The following DCC variants were observed in gnomAD, a reference collection of about 807,000 sequenced individuals.
The protein encoded by DCC is DCC netrin 1 receptor, also known as netrin receptor DCC.
In DCC, 58 loss-of-function variants were observed where a neutral mutation model predicts 172.5. The observed-to-expected ratio is 0.34, with a 90% CI of 0.27 to 0.42. The LOEUF (loss-of-function observed/expected upper bound fraction) is 0.42, where lower values mean the gene tolerates loss of function less well. Ranked by LOEUF, DCC falls within the 10% of genes least tolerant of loss-of-function variation. DCC has a pLI of 1.00. For synonymous variants in DCC, 709 were observed against 644.5 expected, an observed-to-expected ratio of 1.10 and a Z score of -1.52; for missense variants, 1,740 against 1,791.0, an observed-to-expected ratio of 0.97 and a Z score of 0.51.
intron 1 of DCC, among the ~76,000 whole-genome samples, chr18:52,514,219 A>G (rs1252838777): frequency 6.7e-6 from 1 of 150,252 alleles, no homozygotes; most frequent in Non-Finnish European, 1.5e-5. Flanking sequence ...ATGTGTATGC[A>G]TGTATATGTG....
At chr18:53,061,342 C>G (rs577131052) in intron 5 of DCC, among the ~76,000 whole-genome samples, 80 of 152,110 alleles carry the variant, frequency 5.3e-4, no homozygotes, top group East Asian at 3.1e-3. Flanking sequence ...CTTTCTCTCT[C>G]TGTGTGTGTG....
chr18:53,415,026 G>A (rs73960121), intron 20 of DCC, among the ~76,000 whole-genome samples: 4,455 of 152,094 alleles, frequency 0.029, 258 homozygotes, highest in African/African-American at 0.1. Flanking sequence ...ATCTGAAAGG[G>A]GCTTTCGTTA....
Position 52,811,288 on chromosome 18 carries a change from TG to T in DCC, c.412+58916del, listed in dbSNP as rs545862844. ...ATACCCTTTTTCTTATCACTTTTGG[TG>T]GTATTATGTAATGAAAATACCAGCT... On this transcript the variant is annotated intron_variant, in intron 2 of 28. Transcript: ENST00000442544. 2.6e-4 allele frequency among the ~76,000 whole-genome samples: 39 copies of T among 152,270 alleles called. No homozygotes were observed. The South Asian group carries it at 6.6e-3, about 26-fold the overall frequency.
At position 52,487,810 on chromosome 18, in the gene DCC, C is replaced by CAAAAAAAAAAAAAA. The variant is rs5824940; in HGVS notation, c.91+146945_91+146958dup. On this transcript the variant is annotated intron_variant, in intron 1 of 28. Coordinates refer to ENST00000442544, the MANE Select transcript of DCC (RefSeq NM_005215.4). ...TGGGTGACAGAGTGAGACTCCACCT[C>CAAAAAAAAAAAAAA]AAAAAAAAAAAAAAAAAAAAAAAAA... Among the ~76,000 whole-genome samples, 73 of 74,396 alleles carry CAAAAAAAAAAAAAA rather than the reference C, an allele frequency of 9.8e-4. No individual in the cohort carries two copies. In the Admixed American group the frequency reaches 0.012, roughly 12 times the overall value. The allele number at this position is 74,396 out of a possible 152,430, so 48.8% of individuals were successfully genotyped here.
chr18:53,460,925 C>T (rs1384577468), intron 24 of DCC, among the ~76,000 whole-genome samples: 1 of 152,170 alleles, frequency 6.6e-6, no homozygotes. Flanking sequence ...TATTTCTCCA[C>T]ATCCTCTCCA....
chr18:53,301,866 G>T (rs530375725), intron 12 of DCC, among the ~76,000 whole-genome samples: 2 of 152,134 alleles, frequency 1.3e-5, no homozygotes, highest in East Asian at 3.9e-4. Flanking sequence ...AATCTTAAGT[G>T]TTCAGTCTCA....
At chr18:52,468,792 A>G (rs1333677920) in intron 1 of DCC, among the ~76,000 whole-genome samples, 1 of 152,122 alleles carries the variant, frequency 6.6e-6, no homozygotes, top group Non-Finnish European at 1.5e-5. Context: ...AACTCATAAG[A>G]GATGTTGCAA....
At chr18:53,361,579 C>T (rs899181554) in intron 15 of DCC, among the ~76,000 whole-genome samples, 3 of 152,098 alleles carry the variant, frequency 2.0e-5, no homozygotes, top group African/African-American at 7.2e-5. Context: ...GGGAATATTA[C>T]CTCAGCTATC....
At chr18:52,450,488 T>G (rs543810093) in intron 1 of DCC, among the ~76,000 whole-genome samples, 1 of 152,230 alleles carries the variant, frequency 6.6e-6, no homozygotes, top group Non-Finnish European at 1.5e-5. Context: ...ATATCATTTT[T>G]ATTCTCAAAA....
At position 53,290,606 on chromosome 18, in the gene DCC, A is replaced by G. The variant is rs148268498; in HGVS notation, c.1912-14972A>G. Among the ~76,000 whole-genome samples the G allele has an allele frequency of 2.3e-3, 347 of 152,250 alleles. 1 individual carries two copies. The highest frequency in any genetic ancestry group is 7.9e-3 in the African/African-American group (328 of 41,544). On this transcript the variant is annotated intron_variant, in intron 12 of 28. Coordinates refer to ENST00000442544, the MANE Select transcript of DCC (RefSeq NM_005215.4). Reference sequence around the variant, plus strand: ...GCCTAATTTGACAGTTTGCTTGAAGATAGGCCGCTGTTAATAGCCACTTCT... The same window carrying G: ...GCCTAATTTGACAGTTTGCTTGAAGGTAGGCCGCTGTTAATAGCCACTTCT...
intron 2 of DCC, among the ~76,000 whole-genome samples, chr18:52,864,980 C>T (rs2039199111): frequency 6.6e-6 from 1 of 152,112 alleles, no homozygotes; most frequent in Non-Finnish European, 1.5e-5. Flanking sequence ...ATTCTCCTGC[C>T]TCAGCCTCCT....
chr18:53,073,544 A>G (rs1359632640), intron 7 of DCC, among the ~76,000 whole-genome samples: 2 of 152,178 alleles, frequency 1.3e-5, no homozygotes, highest in African/African-American at 4.8e-5. Context: ...AATGATAATA[A>G]TAATGAAGAA....
intron 5 of DCC, among the ~76,000 whole-genome samples, chr18:53,022,239 T>C (rs539872135): frequency 1.4e-4 from 21 of 152,282 alleles, no homozygotes; most frequent in African/African-American, 4.8e-4. Flanking sequence ...AAATTAGATA[T>C]TCTTATTTTA....
intron 1 of DCC, among the ~76,000 whole-genome samples, chr18:52,654,885 C>G (rs1256378527): frequency 6.6e-6 from 1 of 152,106 alleles, no homozygotes; most frequent in East Asian, 1.9e-4. Context: ...AATTAAGGAC[C>G]TCTCTCTTCT....
chr18:53,459,975 C>T (rs1439986695), intron 24 of DCC, among the ~76,000 whole-genome samples: 1 of 149,094 alleles, frequency 6.7e-6, no homozygotes, highest in East Asian at 2.0e-4. Flanking sequence ...AACTGTCATC[C>T]ACATACAGTC....
chr18:52,968,156 G>C (rs1406203116), intron 5 of DCC, among the ~76,000 whole-genome samples: 1 of 152,102 alleles, frequency 6.6e-6, no homozygotes, highest in East Asian at 1.9e-4. Flanking sequence ...CCATCCTCCA[G>C]CTACCCTCTG....
Position 53,090,732 on chromosome 18 carries a change from AAAG to A in DCC, c.1261+24569_1261+24571del, listed in dbSNP as rs1164852831. Among the ~76,000 whole-genome samples, 45 of 129,128 alleles carry A rather than the reference AAAG, an allele frequency of 3.5e-4. 3 individuals carry two copies. Among genetic ancestry groups the A allele is most frequent in the Admixed American group, 5.4e-4 (7 of 12,920 alleles). The allele number at this position is 129,128 out of a possible 152,430, so 84.7% of individuals were successfully genotyped here. On this transcript the variant is annotated intron_variant, in intron 7 of 28. Transcript: ENST00000442544. Reference sequence around the variant, plus strand: ...AAAAAAAAAAAAAAAAAAAAAAAAAAAAGAATGTATCGTGTTTCTTGATGCTAA... The same window carrying A: ...AAAAAAAAAAAAAAAAAAAAAAAAAAAATGTATCGTGTTTCTTGATGCTAA...
At chr18:53,011,462 G>C (rs11874860) in intron 5 of DCC, among the ~76,000 whole-genome samples, 3,237 of 151,286 alleles carry the variant, frequency 0.021, 59 homozygotes, top group Admixed American at 0.039. Context: ...TTGCAAAGAG[G>C]GTTACAACTT....
At chr18:52,623,545 G>A (rs1204065450) in intron 1 of DCC, among the ~76,000 whole-genome samples, 1 of 152,150 alleles carries the variant, frequency 6.6e-6, no homozygotes, top group East Asian at 1.9e-4. Context: ...TTCCAACAAG[G>A]AGCAGACAAC....
Sources: allele counts gnomAD v4.1 joint callset (sites outside exome capture counted in the v4.1 genomes callset), GRCh38; gene constraint gnomAD v4.1.1; transcripts MANE v1.5; gene names NCBI Gene and HGNC (gene_info 2026-07-23, HGNC 2026-07-21).